Variants in RSU1 observed in about 807,000 individuals in gnomAD.
RSU1 encodes the protein Ras suppressor protein 1.
In RSU1, 26 loss-of-function variants were observed where a neutral mutation model predicts 31.1. That is an observed-to-expected ratio of 0.84 (90% CI 0.61 to 1.16). The LOEUF is 1.16. RSU1 is among the 50% of genes most tolerant of loss of function. RSU1 has a pLI of 0.00. For missense variants in RSU1, 320 were observed against 339.1 expected (o/e 0.94, Z 0.44); for synonymous variants, 164 against 136.3 (o/e 1.20, Z -1.41).
chr10:16,784,135 G>A (rs550266057), intron 2 of RSU1, among the ~76,000 whole-genome samples: 2 of 150,238 alleles, frequency 1.3e-5, no homozygotes, highest in South Asian at 4.2e-4. Flanking sequence ...AGGCTGGGGT[G>A]CAGTAGTGCA....
At chr10:16,662,161 C>A (rs1286365055) in intron 8 of RSU1, among the ~76,000 whole-genome samples, 1 of 152,110 alleles carries the variant, frequency 6.6e-6, no homozygotes, top group South Asian at 2.1e-4. Flanking sequence ...AAATTGAGAC[C>A]AAAATTCATT....
intron 2 of RSU1, among the ~76,000 whole-genome samples, chr10:16,798,596 T>C (rs1047994325): frequency 7.2e-5 from 11 of 152,138 alleles, no homozygotes; most frequent in African/African-American, 2.7e-4. Context: ...TTTCCTGAGG[T>C]CTCCCCAACT....
At chr10:16,594,250 G>C (rs916678981) in intron 8 of RSU1, among the ~76,000 whole-genome samples, 1 of 152,154 alleles carries the variant, frequency 6.6e-6, no homozygotes, top group Non-Finnish European at 1.5e-5. Flanking sequence ...TCTGCAGCAA[G>C]GGCATACCCG....
rs753737746 is a variant in RSU1, at chr10:16,619,283, G to A, written c.732-25787C>T. Among the ~76,000 whole-genome samples, 223 of 152,336 alleles carry A rather than the reference G, an allele frequency of 1.5e-3. 1 individual carries two copies. Among genetic ancestry groups the A allele is most frequent in the Non-Finnish European group, 1.6e-3 (109 of 68,028 alleles). On this transcript the variant is annotated intron_variant, in intron 8 of 8. Transcript: ENST00000345264. ...CATCTACCTGGCAGTATGTGACAGA[G>A]AGTAGCATGTTTTCACCTCACAGTC... is the stretch of plus-strand genomic sequence containing the variant.
chr10:16,669,332 T>C (rs1835060809), intron 8 of RSU1, among the ~76,000 whole-genome samples: 1 of 152,146 alleles, frequency 6.6e-6, no homozygotes, highest in East Asian at 1.9e-4. Context: ...ATGTGATTTC[T>C]GTTGTATTGT....
At chr10:16,658,153 A>G (rs1834825104) in intron 8 of RSU1, among the ~76,000 whole-genome samples, 1 of 152,170 alleles carries the variant, frequency 6.6e-6, no homozygotes, top group Non-Finnish European at 1.5e-5. Flanking sequence ...CTTTATTCCA[A>G]TCACTACATA....
At position 16,777,161 on chromosome 10, in the gene RSU1, G is replaced by A. The variant is rs79503036; in HGVS notation, c.160+4873C>T. ...AACACAATGGAATTGAGCAGTATAC[G>A]AATCAGCATAAATATGCACAAAATA... is the stretch of plus-strand genomic sequence containing the variant. On this transcript the variant is annotated intron_variant, in intron 3 of 8. Coordinates refer to ENST00000345264, the MANE Select transcript of RSU1 (RefSeq NM_012425.4). Among the ~76,000 whole-genome samples the A allele has an allele frequency of 9.9e-3, 1,508 of 151,968 alleles. 59 individuals are homozygous for A. The highest frequency in any genetic ancestry group is 0.066 in the East Asian group (342 of 5,170).
intron 8 of RSU1, among the ~76,000 whole-genome samples, chr10:16,652,366 CAAG>C (rs1447639323): frequency 3.1e-5 from 3 of 96,018 alleles, no homozygotes; most frequent in African/African-American, 1.2e-4. Context: ...GCGCTGATAA[CAAG>C]AGATGATTCA....
intron 8 of RSU1, among the ~76,000 whole-genome samples, chr10:16,613,266 A>G (rs111833354): frequency 5.9e-5 from 9 of 152,356 alleles, no homozygotes; most frequent in African/African-American, 1.9e-4. Flanking sequence ...ATTAAGCATG[A>G]GAGTGGAATT....
At chr10:16,730,662 T>C (rs376330728) in intron 7 of RSU1, among the ~76,000 whole-genome samples, 19 of 152,160 alleles carry the variant, frequency 1.2e-4, no homozygotes, top group East Asian at 7.7e-4. Context: ...ATATAATCTA[T>C]AAAGCTAACA....
At chr10:16,736,114 T>C (rs1019618630) in intron 7 of RSU1, among the ~76,000 whole-genome samples, 6 of 152,108 alleles carry the variant, frequency 3.9e-5, no homozygotes, top group Non-Finnish European at 8.8e-5. Flanking sequence ...AAGGAGGGCA[T>C]AGCAGGAAAG....
At chr10:16,597,804 A>C (rs929506056) in intron 8 of RSU1, among the ~76,000 whole-genome samples, 13 of 152,258 alleles carry the variant, frequency 8.5e-5, no homozygotes, top group African/African-American at 3.1e-4. Flanking sequence ...AAAGCAACTA[A>C]GACAGAGCTA....
At chr10:16,636,312 C>T (rs543333463) in intron 8 of RSU1, among the ~76,000 whole-genome samples, 13 of 152,152 alleles carry the variant, frequency 8.5e-5, no homozygotes, top group Admixed American at 2.6e-4. Context: ...CTTAGTAATG[C>T]CAACATCATT....
intron 7 of RSU1, among the ~76,000 whole-genome samples, chr10:16,735,810 A>AT (rs1188030046): frequency 6.6e-6 from 1 of 152,154 alleles, no homozygotes; most frequent in Non-Finnish European, 1.5e-5. Context: ...AGCACCTATG[A>AT]TTCATTTGTC....
intron 7 of RSU1, among the ~76,000 whole-genome samples, chr10:16,697,737 G>A (rs1835708178): frequency 6.6e-6 from 1 of 151,746 alleles, no homozygotes; most frequent in East Asian, 1.9e-4. Context: ...GCCATGAAAA[G>A]TATAAACTAC....
At chr10:16,791,323 A>AAAAAAT (rs531635943) in intron 2 of RSU1, among the ~76,000 whole-genome samples, 2,447 of 152,210 alleles carry the variant, frequency 0.016, 26 homozygotes, top group Admixed American at 0.026. Context: ...CACCTGTCAA[A>AAAAAAT]AAAAATAAAA....
intron 8 of RSU1, among the ~76,000 whole-genome samples, chr10:16,656,089 A>G (rs1055065566): frequency 2.6e-5 from 4 of 152,198 alleles, no homozygotes; most frequent in Non-Finnish European, 5.9e-5. Flanking sequence ...ACATGTTGTT[A>G]GAAAAAAATA....
chr10:16,729,528 G>A (rs1245842460), intron 7 of RSU1, among the ~76,000 whole-genome samples: 1 of 152,098 alleles, frequency 6.6e-6, no homozygotes, highest in Non-Finnish European at 1.5e-5. Flanking sequence ...GATGGCCAAG[G>A]AAGGCCAAGG....
At chr10:16,675,839 C>T (rs115215318) in intron 8 of RSU1, among the ~76,000 whole-genome samples, 1,744 of 152,318 alleles carry the variant, frequency 0.011, 33 homozygotes, top group African/African-American at 0.04. Flanking sequence ...TAAAACTTTC[C>T]TGGGCCTCAG....
Sources: allele counts gnomAD v4.1 joint callset (sites outside exome capture counted in the v4.1 genomes callset), GRCh38; gene constraint gnomAD v4.1.1; transcripts MANE v1.5; gene names NCBI Gene and HGNC (gene_info 2026-07-23, HGNC 2026-07-21).